The following SEMA6D variants were observed in gnomAD, a reference collection of about 807,000 sequenced individuals.
SEMA6D encodes semaphorin 6D, also known as semaphorin-6D.
SEMA6D carries 35 observed loss-of-function variants against 106.6 expected under a neutral mutation model. That is an observed-to-expected ratio of 0.33 (90% CI 0.25 to 0.44). The LOEUF (loss-of-function observed/expected upper bound fraction) is 0.44, where lower values mean the gene tolerates loss of function less well. SEMA6D is among the 20% of genes least tolerant of loss of function. SEMA6D has a pLI of 1.00. For missense variants in SEMA6D, 1,185 were observed against 1,345.9 expected (o/e 0.88, Z 1.87); for synonymous variants, 499 against 487.7 (o/e 1.02, Z -0.31).
intron 3 of SEMA6D, among the ~76,000 whole-genome samples, chr15:47,546,536 GC>G (rs1185029288): frequency 6.6e-6 from 1 of 151,946 alleles, no homozygotes; most frequent in Non-Finnish European, 1.5e-5. Flanking sequence ...CTCTCTCAGT[GC>G]AAAAAAAATG....
intron 3 of SEMA6D, among the ~76,000 whole-genome samples, chr15:47,537,791 A>G (rs1367168103): frequency 6.6e-6 from 1 of 152,142 alleles, no homozygotes; most frequent in Non-Finnish European, 1.5e-5. Flanking sequence ...AAGAGTTGCT[A>G]CCTTTGTGTC....
At chr15:47,255,635 C>G (rs1203475047) in intron 1 of SEMA6D, among the ~76,000 whole-genome samples, 1 of 151,834 alleles carries the variant, frequency 6.6e-6, no homozygotes, top group East Asian at 1.9e-4. Flanking sequence ...TGTAGTTTGT[C>G]TTTTTATCCT....
At chr15:47,560,016 C>G (rs1339520094) in intron 3 of SEMA6D, among the ~76,000 whole-genome samples, 1 of 152,014 alleles carries the variant, frequency 6.6e-6, no homozygotes, top group East Asian at 1.9e-4. Flanking sequence ...ACATCAGCAG[C>G]TATAGTTTAC....
At chr15:47,326,603 G>A (rs1456282460) in intron 1 of SEMA6D, among the ~76,000 whole-genome samples, 3 of 151,768 alleles carry the variant, frequency 2.0e-5, no homozygotes, top group East Asian at 1.9e-4. Flanking sequence ...GTTGCCGTGC[G>A]AACCTTGAAA....
chr15:47,669,444 A>T (rs571049849), intron 4 of SEMA6D, among the ~76,000 whole-genome samples: 43 of 152,296 alleles, frequency 2.8e-4, no homozygotes, highest in South Asian at 1.2e-3. Flanking sequence ...TAGCTAAATG[A>T]ATGGCTGAAT....
chr15:47,285,316 A>G (rs973739804), intron 1 of SEMA6D, among the ~76,000 whole-genome samples: 7 of 152,168 alleles, frequency 4.6e-5, no homozygotes, highest in Admixed American at 2.0e-4. Context: ...GAGGAAATAT[A>G]TAATCTCCAG....
chr15:47,319,929 C>T (rs1441785178), intron 1 of SEMA6D, among the ~76,000 whole-genome samples: 2 of 151,996 alleles, frequency 1.3e-5, no homozygotes, highest in African/African-American at 4.8e-5. Flanking sequence ...TTTGGGTTTC[C>T]TACTTGTCAC....
In SEMA6D at chr15:47,404,291, G is replaced by GT. The variant is rs367923129; in HGVS notation, c.-238-8100dup. Among the ~76,000 whole-genome samples, 212 of 152,250 alleles carry GT rather than the reference G, an allele frequency of 1.4e-3. 1 individual carries two copies. Among genetic ancestry groups the GT allele is most frequent in the African/African-American group, 4.6e-3 (190 of 41,544 alleles). ...AAGGCTGAAGATATAAAAAATAAAT[G>GT]TTACCATTTATTGAGAACCTAAAAT... On this transcript the variant is annotated intron_variant, in intron 1 of 19. Coordinates refer to the SEMA6D transcript ENST00000558014.
intron 3 of SEMA6D, among the ~76,000 whole-genome samples, chr15:47,595,843 T>C (rs907086409): frequency 6.6e-6 from 1 of 152,146 alleles, no homozygotes. Context: ...CTTCTAGTTA[T>C]CCAATTTATT....
chr15:47,573,135 A>G (rs2076092399), intron 3 of SEMA6D, among the ~76,000 whole-genome samples: 1 of 152,146 alleles, frequency 6.6e-6, no homozygotes, highest in Non-Finnish European at 1.5e-5. Context: ...AACAACCAGC[A>G]CAAAATAGTG....
chr15:47,364,559 T>C (rs1256975357), intron 1 of SEMA6D, among the ~76,000 whole-genome samples: 1 of 152,216 alleles, frequency 6.6e-6, no homozygotes, highest in Non-Finnish European at 1.5e-5. Flanking sequence ...GTACAGTAGC[T>C]GTGATTTGTT....
intron 1 of SEMA6D, among the ~76,000 whole-genome samples, chr15:47,225,065 A>C (rs546804697): frequency 1.3e-5 from 2 of 151,962 alleles, no homozygotes; most frequent in East Asian, 3.9e-4. Flanking sequence ...ATCAACCCTT[A>C]GTCTTACAGT....
chr15:47,752,886 G>T (rs556501350), intron 1 of SEMA6D, among the ~76,000 whole-genome samples: 7 of 151,846 alleles, frequency 4.6e-5, no homozygotes, highest in African/African-American at 1.7e-4. Context: ...GTGCACGCCT[G>T]TAATACCAGC....
At chr15:47,302,797 A>G (rs1413897661) in intron 1 of SEMA6D, among the ~76,000 whole-genome samples, 1 of 152,198 alleles carries the variant, frequency 6.6e-6, no homozygotes, top group Non-Finnish European at 1.5e-5. Context: ...ACAGAAAGTA[A>G]TGTGGCCCTG....
intron 2 of SEMA6D, among the ~76,000 whole-genome samples, chr15:47,427,313 A>G (rs957570242): frequency 3.3e-5 from 5 of 152,168 alleles, no homozygotes; most frequent in African/African-American, 4.8e-5. Context: ...CCTGCTGTAT[A>G]GTGCATACTC....
At chr15:47,419,967 G>T (rs78624120) in intron 2 of SEMA6D, among the ~76,000 whole-genome samples, 1 of 152,104 alleles carries the variant, frequency 6.6e-6, no homozygotes, top group African/African-American at 2.4e-5. Flanking sequence ...TGGTGGTGAG[G>T]CTATGAGCAT....
chr15:47,669,571 T>C (rs1402199047), intron 4 of SEMA6D, among the ~76,000 whole-genome samples: 1 of 152,198 alleles, frequency 6.6e-6, no homozygotes, highest in East Asian at 1.9e-4. Flanking sequence ...TCTCCATGGC[T>C]ACTATTCAAA....
chr15:47,701,310 A>C (rs1256431356), intron 4 of SEMA6D, among the ~76,000 whole-genome samples: 6 of 152,212 alleles, frequency 3.9e-5, no homozygotes, highest in Non-Finnish European at 8.8e-5. Flanking sequence ...TGAAATCTAA[A>C]AATGTTGAAC....
intron 1 of SEMA6D, among the ~76,000 whole-genome samples, chr15:47,208,136 G>A (rs1043988080): frequency 6.6e-6 from 1 of 151,604 alleles, no homozygotes; most frequent in Non-Finnish European, 1.5e-5. Flanking sequence ...TGTGAGATTT[G>A]GGGCTTGTTT....
Sources: allele counts gnomAD v4.1 joint callset (sites outside exome capture counted in the v4.1 genomes callset), GRCh38; gene constraint gnomAD v4.1.1; transcripts MANE v1.5; gene names NCBI Gene and HGNC (gene_info 2026-07-23, HGNC 2026-07-21).